Variants in GPATCH2 observed in about 807,000 individuals in gnomAD.
GPATCH2 encodes the protein G-patch domain containing 2.
In GPATCH2, 51 loss-of-function variants were observed where a neutral mutation model predicts 58.0. The ratio of observed to expected loss-of-function variants is 0.88; its 90% CI spans 0.70 to 1.11. The LOEUF (loss-of-function observed/expected upper bound fraction) is 1.11, where lower values mean the gene tolerates loss of function less well. GPATCH2 is among the 50% of genes most tolerant of loss of function. GPATCH2 has a pLI of 0.00. For synonymous variants in GPATCH2, 222 were observed against 218.5 expected (o/e 1.02, Z -0.14); for missense variants, 625 against 652.2 (o/e 0.96, Z 0.45).
At chr1:217,532,799 G>A (rs553103247) in intron 5 of GPATCH2, among the ~76,000 whole-genome samples, 2 of 152,186 alleles carry the variant, frequency 1.3e-5, no homozygotes, top group Admixed American at 6.5e-5. Flanking sequence ...TGTGGGGAAG[G>A]GAAGATGGGT....
chr1:217,536,700 C>T lies in GPATCH2; in HGVS notation c.1099-21811G>A, dbSNP rs546522955. Among the ~76,000 whole-genome samples the T allele has an allele frequency of 5.9e-5, 9 of 152,200 alleles. No individual in the cohort carries two copies. The East Asian group carries it at 1.5e-3, about 26-fold the overall frequency. ...TTAAAAAAACAGATGTATGGCCAGG[C>T]GCGGTGGCTCATGCCCGTAATCCCA... On this transcript the variant is annotated intron_variant, in intron 5 of 9. Coordinates refer to ENST00000366935, the MANE Select transcript of GPATCH2 (RefSeq NM_018040.5).
chr1:217,507,211 A>T (rs1394378538), intron 6 of GPATCH2, among the ~76,000 whole-genome samples: 1 of 152,162 alleles, frequency 6.6e-6, no homozygotes. Context: ...GTTCTATATG[A>T]AGGTAAAAGA....
chr1:217,561,602 C>T (rs535561830), intron 5 of GPATCH2, among the ~76,000 whole-genome samples: 15 of 152,282 alleles, frequency 9.9e-5, no homozygotes, highest in Admixed American at 3.3e-4. Flanking sequence ...ATTTTCAAAA[C>T]GGTGTCTTCA....
intron 5 of GPATCH2, among the ~76,000 whole-genome samples, chr1:217,548,054 G>A (rs998240038): frequency 3.3e-5 from 5 of 152,108 alleles, no homozygotes; most frequent in Non-Finnish European, 7.4e-5. Context: ...TTCCTGTTAA[G>A]CCTGTGGAGC....
intron 6 of GPATCH2, among the ~76,000 whole-genome samples, chr1:217,507,213 G>A (rs546718652): frequency 6.6e-6 from 1 of 152,134 alleles, no homozygotes; most frequent in Non-Finnish European, 1.5e-5. Flanking sequence ...TCTATATGAA[G>A]GTAAAAGAAT....
intron 9 of GPATCH2, among the ~76,000 whole-genome samples, chr1:217,441,718 A>G (rs1659149800): frequency 6.6e-6 from 1 of 152,200 alleles, no homozygotes; most frequent in Non-Finnish European, 1.5e-5. Context: ...GAAGACATTT[A>G]TGTGGCCAAC....
At chr1:217,519,563 T>A (rs912132291) in intron 5 of GPATCH2, among the ~76,000 whole-genome samples, 2 of 152,200 alleles carry the variant, frequency 1.3e-5, no homozygotes, top group African/African-American at 4.8e-5. Context: ...ATCTCCCCCC[T>A]GCTCCAATCC....
intron 5 of GPATCH2, among the ~76,000 whole-genome samples, chr1:217,566,688 A>AGC (rs1462185455): frequency 2.0e-5 from 3 of 152,242 alleles, no homozygotes; most frequent in Non-Finnish European, 2.9e-5. Flanking sequence ...AGATCAAGAA[A>AGC]GCATGCATCC....
At chr1:217,546,548 C>A (rs1184423803) in intron 5 of GPATCH2, among the ~76,000 whole-genome samples, 2 of 152,308 alleles carry the variant, frequency 1.3e-5, no homozygotes, top group Middle Eastern at 3.4e-3. Flanking sequence ...GGATAACTGG[C>A]TAGCCATATG....
intron 8 of GPATCH2, among the ~76,000 whole-genome samples, chr1:217,457,407 A>G (rs1242877282): frequency 6.6e-6 from 1 of 152,230 alleles, no homozygotes; most frequent in East Asian, 1.9e-4. Context: ...AAAAGATTTC[A>G]TTTAGAAATC....
intron 5 of GPATCH2, chr1:217,608,537 A>G (rs1316465781): frequency 3.0e-6 from 3 of 984,902 alleles, no homozygotes; most frequent in East Asian, 1.1e-4. Context: ...TGAGATTGCA[A>G]TAAGCCTAGA....
intron 8 of GPATCH2, among the ~76,000 whole-genome samples, chr1:217,475,127 A>G (rs1281123292): frequency 3.3e-5 from 5 of 152,166 alleles, no homozygotes; most frequent in Non-Finnish European, 2.9e-5. Flanking sequence ...AAAAGAGGAT[A>G]TGAAAGGAAT....
chr1:217,522,022 G>A (rs1173903521), intron 5 of GPATCH2, among the ~76,000 whole-genome samples: 1 of 152,148 alleles, frequency 6.6e-6, no homozygotes, highest in Admixed American at 6.5e-5. Flanking sequence ...TCTATGAAAT[G>A]ACAGAATGAA....
At chr1:217,434,937 G>A (rs1362956631) in intron 9 of GPATCH2, among the ~76,000 whole-genome samples, 1 of 151,908 alleles carries the variant, frequency 6.6e-6, no homozygotes, top group Non-Finnish European at 1.5e-5. Context: ...GCATTATCTT[G>A]TACTCAGAAG....
intron 6 of GPATCH2, among the ~76,000 whole-genome samples, chr1:217,502,971 T>C (rs910038020): frequency 6.6e-6 from 1 of 152,174 alleles, no homozygotes; most frequent in Non-Finnish European, 1.5e-5. Flanking sequence ...CCTGCCTGTT[T>C]AGGTACAAAT....
intron 6 of GPATCH2, 83 bp downstream of exon 6, chr1:217,514,739 C>A (rs1033936484): frequency 4.8e-6 from 3 of 630,066 alleles, no homozygotes; most frequent in East Asian, 2.7e-5. Context: ...ATTAAATAAG[C>A]TTTACTAGTA....
chr1:217,614,241 A>C (rs773598290), intron 2 of GPATCH2, 39 bp from the exon 3 acceptor site: 1 of 1,174,976 alleles, frequency 8.5e-7, no homozygotes, highest in South Asian at 1.3e-5. Flanking sequence ...TCAAAAGAAC[A>C]ATTGATCTCT....
chr1:217,613,360 A>C (rs1668726415), intron 3 of GPATCH2, among the ~76,000 whole-genome samples: 1 of 152,080 alleles, frequency 6.6e-6, no homozygotes, highest in African/African-American at 2.4e-5. Flanking sequence ...TCATTAACTA[A>C]ATTTATAATT....
chr1:217,470,539 T>C (rs2102501162), intron 8 of GPATCH2, among the ~76,000 whole-genome samples: 1 of 152,330 alleles, frequency 6.6e-6, no homozygotes, highest in East Asian at 1.9e-4. Context: ...AAGTGGCTGA[T>C]AACTAATTTT....
Sources: gnomAD v4.1 joint callset for allele counts (sites outside exome capture counted in the v4.1 genomes callset) on GRCh38, gnomAD v4.1.1 for gene constraint, MANE v1.5 for transcripts, NCBI Gene and HGNC (gene_info 2026-07-23, HGNC 2026-07-21) for gene names.